The following PSME3 variants were observed in gnomAD, a reference collection of about 807,000 sequenced individuals.
PSME3 encodes the protein proteasome activator subunit 3.
Under a neutral mutation model 38.3 loss-of-function variants are expected in PSME3, and 7 were observed. The observed-to-expected ratio is 0.18, with a 90% confidence interval of 0.10 to 0.34. PSME3 has a LOEUF of 0.34. Among genes scored for constraint, PSME3 ranks in the 10% least tolerant of loss-of-function variants. PSME3 has a pLI of 1.00. For missense variants in PSME3, 192 were observed against 307.6 expected, an observed-to-expected ratio of 0.62 and a Z score of 2.81; for synonymous variants, 108 against 105.7, an observed-to-expected ratio of 1.02 and a Z score of -0.13.
At chr17:42,837,579 T>C (rs747695949) in intron 4 of PSME3, 70 bp from the exon 5 acceptor site, 1 of 1,469,194 alleles carries the variant, frequency 6.8e-7, no homozygotes, top group Non-Finnish European at 9.5e-7. Context: ...TTAAACTTGC[T>C]TGAAGGGTAT....
At chr17:42,836,370 T>C (rs2055463976) in intron 4 of PSME3, among the ~76,000 whole-genome samples, 1 of 152,214 alleles carries the variant, frequency 6.6e-6, no homozygotes, top group Admixed American at 6.5e-5. Context: ...TAGCAATTGC[T>C]GAATACATGT....
At chr17:42,840,642 G>A (rs2055520463) in intron 10 of PSME3, among the ~76,000 whole-genome samples, 1 of 152,106 alleles carries the variant, frequency 6.6e-6, no homozygotes, top group Non-Finnish European at 1.5e-5. Context: ...AGTACCTACT[G>A]CACAAAATTC....
In PSME3 at chr17:42,833,471, G is replaced by T. The variant is rs2055422348; in HGVS notation, c.-161G>T. On this transcript the variant is annotated 5_prime_UTR_variant, in exon 1 of 11. Transcript: ENST00000590720. ...AGCAGGCAGCAGGCTGCCGGCGGGC[G>T]GGCGGACGGCACAGAGGGAGGGAGC... is the stretch of plus-strand genomic sequence containing the variant. 2 of 794,470 alleles carry T rather than the reference G, an allele frequency of 2.5e-6. No individual in the cohort carries two copies. Among genetic ancestry groups the T allele is most frequent in the Non-Finnish European group, 4.0e-6 (2 of 503,354 alleles). 49.2% of individuals were successfully genotyped at this position (794,470 alleles called of 1,614,324 possible). A position where few individuals can be genotyped will look rare whatever the true frequency, so the allele number is the denominator to read the frequency against.
rs1472536317 is a variant in PSME3 at position 42,833,443 on chromosome 17, G to T, written c.-189G>T. The T allele has an allele frequency of 3.1e-6, 2 of 649,230 alleles. No individual in the cohort carries two copies. The highest frequency in any genetic ancestry group is 3.7e-5 in the African/African-American group (2 of 54,658). 40.2% of individuals were successfully genotyped at this position (649,230 alleles called of 1,614,324 possible). ...GAAAGCCGGGAGGGCGAGCGAGAGAGCAAGCAGGCAGCAGGCTGCCGGCGG... is the reference window on the plus strand; with the variant it reads ...GAAAGCCGGGAGGGCGAGCGAGAGATCAAGCAGGCAGCAGGCTGCCGGCGG... On this transcript the variant is annotated 5_prime_UTR_variant, in exon 1 of 11. Transcript: ENST00000590720.
At chr17:42,833,903 A>C (rs1334854321) in intron 1 of PSME3, 1 of 1,450,876 alleles carries the variant, frequency 6.9e-7, no homozygotes, top group Non-Finnish European at 9.0e-7. Flanking sequence ...CTCCGCGGAC[A>C]CGTGTTGGAC....
At chr17:42,835,034 CTTAT>C (rs933435999) in intron 4 of PSME3, among the ~76,000 whole-genome samples, 158 bp downstream of exon 4, 1 of 152,060 alleles carries the variant, frequency 6.6e-6, no homozygotes, top group Non-Finnish European at 1.5e-5. Flanking sequence ...TCTTTTATTT[CTTAT>C]TTATTTATTT....
Position 42,838,171 on chromosome 17 carries a change from C to T in PSME3, c.371C>T (p.Pro124Leu). Residue 124 changes from proline (P) to leucine (L), a missense_variant, in exon 6 of 11, where the codon CCT becomes CTT. Pro to Leu is a moderately conservative substitution (Grantham distance 98, BLOSUM62 -3). Transcript: ENST00000590720. ...QLVDIIEKVK[P>L]EIRLLIEKCN... ...GTGGACATTATTGAGAAAGTGAAAC[C>T]TGAGATCCGGCTGTTGATTGAGAAA... 6.2e-7 allele frequency: 1 copy of T among 1,614,110 alleles called. No homozygotes were observed. The highest frequency in any genetic ancestry group is 8.5e-7 in the Non-Finnish European group (1 of 1,180,050).
intron 10 of PSME3, among the ~76,000 whole-genome samples, chr17:42,841,155 A>G (rs1255741818): frequency 6.6e-6 from 1 of 150,632 alleles, no homozygotes; most frequent in East Asian, 1.9e-4. Context: ...AAAAAAAAAT[A>G]CAGTAAGTCT....
At chr17:42,834,968 G>T in intron 4 of PSME3, 92 bp downstream of exon 4, 1 of 1,548,790 alleles carries the variant, frequency 6.5e-7, no homozygotes, top group South Asian at 1.2e-5. Flanking sequence ...AGGGAACAGT[G>T]GGATTTGGAT....
In PSME3 at chr17:42,838,142, G is replaced by C; in HGVS notation, c.342G>C (p.Gln114His). The C allele has an allele frequency of 6.2e-7, 1 of 1,614,192 alleles. No individual in the cohort carries two copies. Among genetic ancestry groups the C allele is most frequent in the Non-Finnish European group, 8.5e-7 (1 of 1,180,038 alleles). ...ATGGGATGCTGAAAAGCAACCAGCA[G>C]CTGGTGGACATTATTGAGAAAGTGA... The part of the protein sequence containing the change: ...MPNGMLKSNQ[Q>H]LVDIIEKVKP... Residue 114 changes from glutamine to histidine, a missense_variant, in exon 6 of 11, where the codon CAG (glutamine) becomes CAC (histidine). By Grantham distance (24) the Gln-to-His change is conservative. Transcript: ENST00000590720.
intron 4 of PSME3, among the ~76,000 whole-genome samples, chr17:42,836,157 A>G (rs1295489989): frequency 6.6e-6 from 1 of 151,830 alleles, no homozygotes; most frequent in Non-Finnish European, 1.5e-5. Context: ...GGTGCACACC[A>G]CCACGCCCAG....
Position 42,833,455 on chromosome 17 carries a change from C to T in PSME3, c.-177C>T, listed in dbSNP as rs1430271412. ...GGCGAGCGAGAGAGCAAGCAGGCAGCAGGCTGCCGGCGGGCGGGCGGACGG... is the reference window on the plus strand; with the variant it reads ...GGCGAGCGAGAGAGCAAGCAGGCAGTAGGCTGCCGGCGGGCGGGCGGACGG... On this transcript the variant is annotated 5_prime_UTR_variant, in exon 1 of 11. Coordinates refer to ENST00000590720, the MANE Select transcript of PSME3 (RefSeq NM_005789.4). The T allele has an allele frequency of 3.7e-5, 26 of 694,594 alleles. No individual in the cohort carries two copies. The South Asian group carries it at 4.5e-4, about 12-fold the overall frequency. 43.0% of individuals were successfully genotyped at this position (694,594 alleles called of 1,614,324 possible).
intron 4 of PSME3, 106 bp downstream of exon 4, chr17:42,834,982 G>C: frequency 6.7e-7 from 1 of 1,499,974 alleles, no homozygotes; most frequent in Admixed American, 2.3e-5. Context: ...TTTGGATCTG[G>C]GAACTAGGAC....
At chr17:42,834,102 A>G in intron 1 of PSME3, 1 of 1,453,260 alleles carries the variant, frequency 6.9e-7, no homozygotes, top group Non-Finnish European at 9.0e-7. Context: ...AGACAGCTTC[A>G]GACACAGGAG....
rs1567681443 is a variant in PSME3, at chr17:42,839,278, T to C, written c.598-16T>C. ...TGGGCTTTGGGGACTAGCTTTTTCC[T>C]GTACCCTCCTTGCAGGAGGACTATC... On this transcript the variant is annotated splice_polypyrimidine_tract_variant and intron_variant, in intron 9 of 10. Transcript: ENST00000590720. 1.9e-6 allele frequency: 3 copies of C among 1,607,682 alleles called. No individual in the cohort carries two copies. Among genetic ancestry groups the C allele is most frequent in the Non-Finnish European group, 2.6e-6 (3 of 1,174,076 alleles).
Position 42,841,865 on chromosome 17 carries a change from T to C in PSME3, c.*287T>C, listed in dbSNP as rs929023539. On this transcript the variant is annotated 3_prime_UTR_variant, in exon 11 of 11. Coordinates refer to ENST00000590720, the MANE Select transcript of PSME3 (RefSeq NM_005789.4). ...TGCAGGATGTTGGCACAAAAATACC[T>C]GTGTTTTCATTCTCCCCCTCTCTCC... 2 of 272,402 alleles carry C rather than the reference T, an allele frequency of 7.3e-6. No homozygotes were observed. Among genetic ancestry groups the C allele is most frequent in the African/African-American group, 2.2e-5 (1 of 45,432 alleles). 16.9% of individuals were successfully genotyped at this position (272,402 alleles called of 1,614,324 possible). A position where few individuals can be genotyped will look rare whatever the true frequency, so the allele number is the denominator to read the frequency against.
chr17:42,841,411 C>A, intron 10 of PSME3, 87 bp from the exon 11 acceptor site: 1 of 722,548 alleles, frequency 1.4e-6, no homozygotes, highest in Non-Finnish European at 2.2e-6. Flanking sequence ...CAGATGATTG[C>A]TTGGGGATTT....
chr17:42,837,684 A>G lies in PSME3; in HGVS notation c.279A>G (p.Glu93=). Residue 93 remains glutamate (E), a synonymous_variant, in exon 5 of 11, where the codon GAA becomes GAG. Transcript: ENST00000590720. ...TYKKRRLDEC[E]EAFQGTKVFV... ...AGAAGCGAAGGTTGGATGAGTGTGA[A>G]GAAGCCTTCCAAGGTAAGAGGCACC... is the stretch of plus-strand genomic sequence containing the variant. The G allele has an allele frequency of 6.2e-7, 1 of 1,613,820 alleles. No individual in the cohort carries two copies. The highest frequency in any genetic ancestry group is 8.5e-7 in the Non-Finnish European group (1 of 1,179,980).
chr17:42,838,711 A>C lies in PSME3; in HGVS notation c.406-20A>C. ...CTTCAGCCTTCAGGCAAAGGTCCTC[A>C]TATATGTTTTGACCTCCAGGTCAAA... On this transcript the variant is annotated intron_variant, in intron 6 of 10. Coordinates refer to ENST00000590720, the MANE Select transcript of PSME3 (RefSeq NM_005789.4). The C allele has an allele frequency of 6.2e-7, 1 of 1,609,348 alleles. No individual in the cohort carries two copies. The highest frequency in any genetic ancestry group is 8.5e-7 in the Non-Finnish European group (1 of 1,175,714).
Sources: allele counts gnomAD v4.1 joint callset (sites outside exome capture counted in the v4.1 genomes callset), GRCh38; gene constraint gnomAD v4.1.1; transcripts MANE v1.5; gene names NCBI Gene and HGNC (gene_info 2026-07-23, HGNC 2026-07-21).